The following LFNG variants were observed in gnomAD, a reference collection of about 807,000 sequenced individuals.
The protein encoded by LFNG is LFNG O-fucosylpeptide 3-beta-N-acetylglucosaminyltransferase, also known as beta-1,3-N-acetylglucosaminyltransferase lunatic fringe.
A neutral mutation model predicts 32.7 loss-of-function variants in LFNG; 15 were observed. The ratio of observed to expected loss-of-function variants is 0.46; its 90% confidence interval spans 0.31 to 0.71. LFNG has a LOEUF of 0.71. Ranked by LOEUF, LFNG falls within the 30% of genes least tolerant of loss-of-function variation. The pLI is 0.06. For synonymous variants in LFNG, 274 were observed against 246.8 expected (o/e 1.11, Z -1.03); for missense variants, 520 against 545.7 (o/e 0.95, Z 0.47).
chr7:2,516,606 G>A (rs932367797), upstream of LFNG, among the ~76,000 whole-genome samples: 1 of 152,238 alleles, frequency 6.6e-6, no homozygotes, highest in African/African-American at 2.4e-5. Context: ...GGCGGCTAGA[G>A]GAGGAGGGTA....
rs1779962616 is a variant in LFNG at position 2,526,106 on chromosome 7, A to G, written c.822-138A>G. 18 of 828,666 alleles carry G rather than the reference A, an allele frequency of 2.2e-5. No individual in the cohort carries two copies. Among genetic ancestry groups the G allele is most frequent in the Non-Finnish European group, 3.4e-5 (18 of 530,048 alleles). 51.3% of individuals were successfully genotyped at this position (828,666 alleles called of 1,614,324 possible). ...TGCCCTGGCTGTGGCCAGGGGAGGC[A>G]GAGGGAGCTGCAGCCCAGAGCTCTC... On this transcript the variant is annotated intron_variant, in intron 5 of 7. Transcript: ENST00000222725. The surrounding 1 kb of genome is among the most constrained non-coding windows in gnomAD (Gnocchi z 6.9).
At chr7:2,518,376 C>A (rs1779681237), upstream of LFNG, among the ~76,000 whole-genome samples, 1 of 152,162 alleles carries the variant, frequency 6.6e-6, no homozygotes, top group African/African-American at 2.4e-5. Context: ...CCTGGGAACC[C>A]CCATCCCCCA....
intron 1 of LFNG, among the ~76,000 whole-genome samples, chr7:2,521,586 G>T (rs953676184): frequency 6.6e-6 from 1 of 152,192 alleles, no homozygotes; most frequent in Non-Finnish European, 1.5e-5. Flanking sequence ...TCCTTTTGGG[G>T]CACCATCCCT....
In LFNG at chr7:2,525,207, C is replaced by T. The variant is rs761316670; in HGVS notation, c.482-12C>T. The T allele has an allele frequency of 7.4e-6, 12 of 1,611,658 alleles. No homozygotes were observed. In the South Asian group the frequency reaches 1.2e-4, roughly 16 times the overall value. On this transcript the variant is annotated splice_polypyrimidine_tract_variant and intron_variant, in intron 2 of 7. Coordinates refer to ENST00000222725, the MANE Select transcript of LFNG (RefSeq NM_001040167.2). ...GGCTCAGACCTACTCACAGCCGCTC[C>T]CCTGTCCACAGGCAACGTGGTCATC...
intron 1 of LFNG, among the ~76,000 whole-genome samples, chr7:2,522,851 C>A (rs544140214): frequency 6.6e-6 from 1 of 152,350 alleles, no homozygotes; most frequent in Non-Finnish European, 1.5e-5. Context: ...GTTCTCTGCC[C>A]AGGGGAGCTC....
At chr7:2,513,287 A>T (rs1779536209), upstream of LFNG, 1 of 1,611,352 alleles carries the variant, frequency 6.2e-7, no homozygotes, top group South Asian at 1.1e-5. Context: ...GTGGAGCCCA[A>T]CACCAGCTCT....
At chr7:2,519,515 G>C (rs1226506684), upstream of LFNG, among the ~76,000 whole-genome samples, 1 of 151,602 alleles carries the variant, frequency 6.6e-6, no homozygotes, top group African/African-American at 2.4e-5. Context: ...GGCGCGGGCC[G>C]GGCCCGTCCC....
chr7:2,526,942 A>G lies in LFNG; in HGVS notation c.1073+21A>G, dbSNP rs1779998695. On this transcript the variant is annotated intron_variant, in intron 7 of 7. Transcript: ENST00000222725. This position sits in a 1 kb window ranked among gnomAD's most constrained non-coding sequence, Gnocchi z 6.9. ...TCCAGGTAAGGAAACCCCGGCCCAGATGGGCTTGCGTAGGGTGGCCTAGGG... is the reference window on the plus strand; with the variant it reads ...TCCAGGTAAGGAAACCCCGGCCCAGGTGGGCTTGCGTAGGGTGGCCTAGGG... The G allele has an allele frequency of 6.2e-7, 1 of 1,609,216 alleles. No individual in the cohort carries two copies.
At chr7:2,525,141 G>T in intron 2 of LFNG, 78 bp from the exon 3 acceptor site, 1 of 1,280,524 alleles carries the variant, frequency 7.8e-7, no homozygotes, top group Non-Finnish European at 1.1e-6. Flanking sequence ...GAGCCCCTGG[G>T]CCCTGTGGCG....
chr7:2,520,323 C>T lies in LFNG; in HGVS notation c.432+30C>T. On this transcript the variant is annotated intron_variant, in intron 1 of 7. Transcript: ENST00000222725. This position sits in a 1 kb window ranked among gnomAD's most constrained non-coding sequence, Gnocchi z 5.0. ...GCCCCCCGCGGCCTGGACTGGCGGG[C>T]GAGCGGGGCGGGGACCCACCATCTG... 2 of 1,590,722 alleles carry T rather than the reference C, an allele frequency of 1.3e-6. No individual in the cohort carries two copies. The highest frequency in any genetic ancestry group is 1.1e-5 in the South Asian group (1 of 90,132).
At chr7:2,515,062 C>T (rs1260766769), upstream of LFNG, among the ~76,000 whole-genome samples, 6 of 150,910 alleles carry the variant, frequency 4.0e-5, no homozygotes, top group Admixed American at 6.6e-5. Flanking sequence ...ATCCATCCAT[C>T]CATCTGTCCA....
rs1779769750 is a variant in LFNG at position 2,520,922 on chromosome 7, C to G, written c.432+629C>G. ...GCCCACTTCAGTTGGGCATCAGCTT[C>G]TTACACACACATAATTAAGACACAC... On this transcript the variant is annotated intron_variant, in intron 1 of 7. Transcript: ENST00000222725. This position sits in a 1 kb window ranked among gnomAD's most constrained non-coding sequence, Gnocchi z 5.0. Among the ~76,000 whole-genome samples the G allele has an allele frequency of 6.6e-6, 1 of 152,216 alleles. No individual in the cohort carries two copies. Among genetic ancestry groups the G allele is most frequent in the African/African-American group, 2.4e-5 (1 of 41,452 alleles).
At chr7:2,516,413 A>G (rs1362280113), upstream of LFNG, among the ~76,000 whole-genome samples, 1 of 152,216 alleles carries the variant, frequency 6.6e-6, no homozygotes, top group African/African-American at 2.4e-5. Context: ...GAGGGAAGGC[A>G]GATGGCCACC....
chr7:2,514,516 GTCCA>G (rs1201948500), upstream of LFNG, among the ~76,000 whole-genome samples: 7 of 151,392 alleles, frequency 4.6e-5, no homozygotes, highest in Admixed American at 2.0e-4. Flanking sequence ...CCATTCACCT[GTCCA>G]TCCATCCATC....
Position 2,525,432 on chromosome 7 carries a change from C to T in LFNG, c.600C>T (p.Asp200=), listed in dbSNP as rs759542824. 33 of 1,612,772 alleles carry T rather than the reference C, an allele frequency of 2.0e-5. No homozygotes were observed. Among genetic ancestry groups the T allele is most frequent in the Middle Eastern group, 1.6e-4 (1 of 6,084 alleles). ...TCCTCAGGTGGTTCTGCCACGTGGA[C>T]GATGACAACTACGTCAACCTGCGGG... The part of the protein sequence containing the change: ...ESGRKWFCHV[D]DDNYVNLRAL... The change falls in exon 4 of 8, where the codon GAC becomes GAT. Residue 200 remains aspartate, a synonymous_variant. Transcript: ENST00000222725.
chr7:2,528,967 C>T (rs1049883980), downstream of LFNG: 26 of 488,022 alleles, frequency 5.3e-5, no homozygotes, highest in Non-Finnish European at 6.7e-5. Context: ...CCAGGCAGGC[C>T]GTGGGTCCGG....
intron 1 of LFNG, among the ~76,000 whole-genome samples, chr7:2,522,699 G>A (rs1056290592): frequency 1.3e-5 from 2 of 152,184 alleles, no homozygotes; most frequent in African/African-American, 4.8e-5. Context: ...GTCTAGCACC[G>A]CCTCGGCCCC....
Position 2,519,971 on chromosome 7 carries a change from G to A in LFNG, c.110G>A (p.Arg37His). 1.0e-6 allele frequency: 1 copy of A among 983,490 alleles called. No homozygotes were observed. Among genetic ancestry groups the A allele is most frequent in the Non-Finnish European group, 1.2e-6 (1 of 830,466 alleles). The allele number at this position is 983,490 out of a possible 1,614,324, so 60.9% of individuals were successfully genotyped here. A position where few individuals can be genotyped will look rare whatever the true frequency, so the allele number is the denominator to read the frequency against. ...DPPPPPLPAE[R>H]GRRALRSLAG... ...CCGCCGCCTCCACTGCCCGCCGAGC[G>A]CGGCCGGCGCGCGCTGCGCAGCCTG... is the stretch of plus-strand genomic sequence containing the variant. Residue 37 changes from arginine to histidine, a missense_variant, in exon 1 of 8, where the codon CGC becomes CAC. This residue lies in a region of LFNG where 360 missense variants were observed against 354.7 expected (regional missense o/e 1.01). Transcript: ENST00000222725.
chr7:2,519,605 G>A (rs545254852), upstream of LFNG, among the ~76,000 whole-genome samples: 2 of 150,220 alleles, frequency 1.3e-5, no homozygotes, highest in African/African-American at 4.8e-5. Context: ...GGGCGGGGCC[G>A]CTGCGCCCTC....
Sources: gnomAD v4.1 joint callset for allele counts (sites outside exome capture counted in the v4.1 genomes callset) on GRCh38, gnomAD v4.1.1 for gene constraint, gnomAD v4.1.1 regional missense constraint, Gnocchi (gnomAD v3.1) non-coding constraint, MANE v1.5 for transcripts, NCBI Gene and HGNC (gene_info 2026-07-23, HGNC 2026-07-21) for gene names.